KIAA1549L: variants seen among roughly 807,000 people sequenced by gnomAD.
KIAA1549L encodes the protein UPF0606 protein KIAA1549L.
A neutral mutation model predicts 160.7 loss-of-function variants in KIAA1549L; 88 were observed. That is an observed-to-expected ratio of 0.55 (90% CI 0.46 to 0.65). KIAA1549L has a LOEUF of 0.65. Among genes scored for constraint, KIAA1549L ranks in the 30% least tolerant of loss-of-function variants. The pLI is 0.00. For missense variants in KIAA1549L, 2,258 were observed against 2,437.5 expected (o/e 0.93, Z 1.55); for synonymous variants, 950 against 976.7 (o/e 0.97, Z 0.51).
At chr11:33,530,465 A>G (rs1457294566) in intron 1 of KIAA1549L, among the ~76,000 whole-genome samples, 2 of 59,008 alleles carry the variant, frequency 3.4e-5, no homozygotes, top group Non-Finnish European at 8.0e-5. Flanking sequence ...ATATATATAT[A>G]TATATATATA....
chr11:33,545,393 T>C lies in KIAA1549L; in HGVS notation c.3385+15T>C. ...GGTGAAGACAGGTATGAGACCACTG[T>C]TCTGATCTGAAAGCAGCAAGCCTGG... On this transcript the variant is annotated intron_variant, in intron 3 of 20. Coordinates refer to ENST00000658780, the MANE Select transcript of KIAA1549L (RefSeq NM_012194.3). 6.3e-7 allele frequency: 1 copy of C among 1,592,096 alleles called. No individual in the cohort carries two copies. Among genetic ancestry groups the C allele is most frequent in the Non-Finnish European group, 8.5e-7 (1 of 1,172,018 alleles).
At chr11:33,492,737 G>A (rs573153704) in intron 1 of KIAA1549L, among the ~76,000 whole-genome samples, 8 of 152,146 alleles carry the variant, frequency 5.3e-5, no homozygotes, top group Admixed American at 4.6e-4. Flanking sequence ...ATTGTCCCAG[G>A]CATGGGTACA....
intron 1 of KIAA1549L, among the ~76,000 whole-genome samples, chr11:33,405,798 C>G (rs1049668982): frequency 1.5e-5 from 2 of 134,938 alleles, no homozygotes; most frequent in Non-Finnish European, 3.0e-5. Context: ...GCTGAGACTG[C>G]GCCACTGCAC....
intron 1 of KIAA1549L, among the ~76,000 whole-genome samples, chr11:33,437,762 A>G (rs942975840): frequency 6.6e-6 from 1 of 152,174 alleles, no homozygotes; most frequent in African/African-American, 2.4e-5. Flanking sequence ...TTGTGCATTT[A>G]TAGTGACCTG....
At chr11:33,490,777 G>A (rs148981258) in intron 1 of KIAA1549L, among the ~76,000 whole-genome samples, 165 of 152,208 alleles carry the variant, frequency 1.1e-3, no homozygotes, top group African/African-American at 3.8e-3. Flanking sequence ...ATTTAACACC[G>A]TGCTCTCAAA....
At chr11:33,514,350 CCACG>C (rs1853292562) in intron 1 of KIAA1549L, among the ~76,000 whole-genome samples, 1 of 152,184 alleles carries the variant, frequency 6.6e-6, no homozygotes, top group African/African-American at 2.4e-5. Flanking sequence ...GTTGGGGGAA[CCACG>C]GACTGATCAA....
chr11:33,399,631 C>T lies in KIAA1549L; in HGVS notation c.238+22742C>T, dbSNP rs530188629. Among the ~76,000 whole-genome samples, 15 of 152,302 alleles carry T rather than the reference C, an allele frequency of 9.8e-5. No individual in the cohort carries two copies. The East Asian group carries it at 1.9e-3, about 20-fold the overall frequency. On this transcript the variant is annotated intron_variant, in intron 1 of 20. Transcript: ENST00000658780. ...TGGTTCTGAATCCCCCAGCTCTGCC[C>T]GCTGTCAACTGGCCATCTGTTCCCC...
intron 10 of KIAA1549L, among the ~76,000 whole-genome samples, chr11:33,579,454 T>C (rs1194477005): frequency 6.6e-6 from 1 of 152,172 alleles, no homozygotes; most frequent in Non-Finnish European, 1.5e-5. Flanking sequence ...AGTTGCACCC[T>C]CTTCTCTGTA....
intron 20 of KIAA1549L, among the ~76,000 whole-genome samples, chr11:33,663,750 C>G (rs896529425): frequency 3.9e-5 from 6 of 152,210 alleles, no homozygotes; most frequent in African/African-American, 1.4e-4. Context: ...ACTCCCTGCT[C>G]TTGCTCTGCA....
At chr11:33,600,226 G>A (rs1317394421) in intron 13 of KIAA1549L, among the ~76,000 whole-genome samples, 1 of 152,146 alleles carries the variant, frequency 6.6e-6, no homozygotes, top group Non-Finnish European at 1.5e-5. Flanking sequence ...ATCAGAAATG[G>A]GGTGTGACCT....
chr11:33,506,269 C>T (rs886436201), intron 1 of KIAA1549L, among the ~76,000 whole-genome samples: 1 of 152,192 alleles, frequency 6.6e-6, no homozygotes, highest in Non-Finnish European at 1.5e-5. Context: ...GCCCAGTTTC[C>T]TGAGTATTGT....
rs551017269 is a variant in KIAA1549L at position 33,545,264 on chromosome 11, C to T, written c.3271C>T (p.Arg1091Ter). Reference protein sequence around the residue: ...SVKATRLPPLRAENTDAVLPA... With the variant: ...SVKATRLPPL ...GAAGGCCACCCGGTTGCCACCATTG[C>T]GAGCAGAAAACACAGATGCTGTCCT... is the stretch of plus-strand genomic sequence containing the variant. The change falls in exon 3 of 21, where the codon CGA becomes TGA. Residue 1091 changes from arginine to a stop codon, truncating the protein, a stop_gained. Transcript: ENST00000658780. LOFTEE classifies it high-confidence loss of function. The T allele has an allele frequency of 3.7e-6, 6 of 1,613,838 alleles. No homozygotes were observed. Among genetic ancestry groups the T allele is most frequent in the East Asian group, 2.2e-5 (1 of 44,882 alleles).
At chr11:33,414,840 TGAGA>T (rs141132952) in intron 1 of KIAA1549L, among the ~76,000 whole-genome samples, 2 of 151,778 alleles carry the variant, frequency 1.3e-5, no homozygotes, top group Non-Finnish European at 2.9e-5. Flanking sequence ...TGAGTGTGTG[TGAGA>T]GAGAGAGAGA....
chr11:33,573,150 A>G (rs1290449566), intron 9 of KIAA1549L, among the ~76,000 whole-genome samples: 1 of 152,192 alleles, frequency 6.6e-6, no homozygotes, highest in African/African-American at 2.4e-5. Flanking sequence ...ATTGTTATGT[A>G]TAGCATATAC....
At chr11:33,518,138 C>CAAAAAAAAAAAAAAAAAAAAAAAAA (rs560876643) in intron 1 of KIAA1549L, among the ~76,000 whole-genome samples, 1 of 59,414 alleles carries the variant, frequency 1.7e-5, no homozygotes, top group Non-Finnish European at 3.0e-5. Context: ...GACTCTGTCT[C>CAAAAAAAAAAAAAAAAAAAAAAAAA]AAAAAAAAAA....
At position 33,543,017 on chromosome 11, in the gene KIAA1549L, T is replaced by C. The variant is rs1333490291; in HGVS notation, c.1454T>C (p.Ile485Thr). ...HITTLGQEQA[I>T]LSGAVPASPS... is the part of the protein sequence containing the mutation. ...ACCACACTGGGTCAAGAGCAAGCCATCCTTTCTGGGGCGGTTCCCGCATCA... is the reference window on the plus strand; with the variant it reads ...ACCACACTGGGTCAAGAGCAAGCCACCCTTTCTGGGGCGGTTCCCGCATCA... The change falls in exon 2 of 21, where the codon ATC becomes ACC. Residue 485 changes from isoleucine (I) to threonine (T), a missense_variant. Physicochemically the swap from Ile to Thr is moderately conservative, Grantham distance 89 (BLOSUM62 -1). Coordinates refer to ENST00000658780, the MANE Select transcript of KIAA1549L (RefSeq NM_012194.3). The C allele has an allele frequency of 2.5e-6, 4 of 1,613,856 alleles. No individual in the cohort carries two copies. Among genetic ancestry groups the C allele is most frequent in the Non-Finnish European group, 3.4e-6 (4 of 1,179,902 alleles).
chr11:33,551,531 T>C (rs532495498), intron 5 of KIAA1549L, among the ~76,000 whole-genome samples: 1 of 152,196 alleles, frequency 6.6e-6, no homozygotes, highest in South Asian at 2.1e-4. Context: ...TACTATATTT[T>C]ATATTTCTTT....
chr11:33,446,604 G>A (rs1851616901), intron 1 of KIAA1549L, among the ~76,000 whole-genome samples: 1 of 152,106 alleles, frequency 6.6e-6, no homozygotes, highest in African/African-American at 2.4e-5. Flanking sequence ...TCTGTCATGA[G>A]TTTACATCCC....
intron 11 of KIAA1549L, among the ~76,000 whole-genome samples, chr11:33,584,789 A>C (rs960086500): frequency 1.3e-5 from 2 of 152,162 alleles, no homozygotes; most frequent in African/African-American, 4.8e-5. Flanking sequence ...TGAGTCTTAG[A>C]GCATTTTCGC....
Sources: gnomAD v4.1 joint callset for allele counts (sites outside exome capture counted in the v4.1 genomes callset) on GRCh38, gnomAD v4.1.1 for gene constraint, MANE v1.5 for transcripts, NCBI Gene and HGNC (gene_info 2026-07-23, HGNC 2026-07-21) for gene names.